DUSP16: variants seen among roughly 807,000 people sequenced by gnomAD.
DUSP16 encodes the protein dual specificity phosphatase 16, also known as dual specificity protein phosphatase 16.
A neutral mutation model predicts 58.3 loss-of-function variants in DUSP16; 21 were observed. The observed-to-expected ratio is 0.36, with a 90% CI of 0.26 to 0.52. The LOEUF is 0.52. Among genes scored for constraint, DUSP16 ranks in the 20% least tolerant of loss-of-function variants. The pLI is 0.94. For synonymous variants in DUSP16, 320 were observed against 323.8 expected, an observed-to-expected ratio of 0.99 and a Z score of 0.12; for missense variants, 726 against 819.0, an observed-to-expected ratio of 0.89 and a Z score of 1.39.
Position 12,508,029 on chromosome 12 carries a change from A to C in DUSP16, c.368-7347T>G, listed in dbSNP as rs77442709. ...TAGAATATATGTGAAAAACTAGAGTACACCTTCACCTGTAGAGGACAGTTC... is the reference window on the plus strand; with the variant it reads ...TAGAATATATGTGAAAAACTAGAGTCCACCTTCACCTGTAGAGGACAGTTC... On this transcript the variant is annotated intron_variant, in intron 3 of 6. Transcript: ENST00000298573. 5.3e-3 allele frequency among the ~76,000 whole-genome samples: 803 copies of C among 152,368 alleles called. 8 individuals are homozygous for C. The highest frequency in any genetic ancestry group is 0.018 in the African/African-American group (731 of 41,588).
chr12:12,554,170 C>G (rs1034943750), intron 1 of DUSP16, among the ~76,000 whole-genome samples: 4 of 128,376 alleles, frequency 3.1e-5, no homozygotes, highest in African/African-American at 1.2e-4. Flanking sequence ...GCACTCCAAC[C>G]TGGGTGACAG....
At chr12:12,544,785 A>G (rs1944616679) in intron 1 of DUSP16, among the ~76,000 whole-genome samples, 1 of 152,204 alleles carries the variant, frequency 6.6e-6, no homozygotes, top group South Asian at 2.1e-4. Context: ...CAATTAGCCT[A>G]TAATTTATTT....
chr12:12,532,332 A>G (rs530808360), intron 1 of DUSP16, among the ~76,000 whole-genome samples: 115 of 152,338 alleles, frequency 7.5e-4, no homozygotes, highest in Non-Finnish European at 1.2e-3. Flanking sequence ...ACATTTAAAA[A>G]CGATGGTGTA....
chr12:12,518,192 C>A (rs910501061), intron 3 of DUSP16, among the ~76,000 whole-genome samples: 3 of 152,174 alleles, frequency 2.0e-5, no homozygotes, highest in Non-Finnish European at 4.4e-5. Context: ...CACTCTGTCA[C>A]GAAGCACATC....
intron 1 of DUSP16, 60 bp from the exon 2 acceptor site, chr12:12,521,523 T>C: frequency 1.3e-6 from 1 of 766,350 alleles, no homozygotes; most frequent in Non-Finnish European, 1.6e-6. Flanking sequence ...AGAAAGAGTG[T>C]CAGATTAGAG....
intron 3 of DUSP16, among the ~76,000 whole-genome samples, chr12:12,515,838 C>A (rs188934337): frequency 6.6e-6 from 1 of 151,912 alleles, no homozygotes; most frequent in African/African-American, 2.4e-5. Flanking sequence ...TGCAGTGATG[C>A]GATCTTGGCT....
chr12:12,479,099 A>G (rs1044174206), intron 6 of DUSP16, among the ~76,000 whole-genome samples: 4 of 151,916 alleles, frequency 2.6e-5, no homozygotes, highest in African/African-American at 9.7e-5. Flanking sequence ...CCACTATGTT[A>G]AAAAAAAGAT....
At chr12:12,544,972 C>T (rs1944620429) in intron 1 of DUSP16, among the ~76,000 whole-genome samples, 1 of 152,128 alleles carries the variant, frequency 6.6e-6, no homozygotes, top group South Asian at 2.1e-4. Flanking sequence ...CTATTCTGTT[C>T]CATTATCCAT....
intron 1 of DUSP16, among the ~76,000 whole-genome samples, chr12:12,542,404 A>G (rs901072759): frequency 6.6e-6 from 1 of 150,816 alleles, no homozygotes; most frequent in African/African-American, 2.5e-5. Flanking sequence ...AAAAAAAAAA[A>G]AAAAAGAAAT....
chr12:12,542,998 G>A (rs1253241980), intron 1 of DUSP16, among the ~76,000 whole-genome samples: 1 of 152,086 alleles, frequency 6.6e-6, no homozygotes, highest in Non-Finnish European at 1.5e-5. Context: ...CAACCCAGAA[G>A]AGGGCCCTCA....
intron 4 of DUSP16, among the ~76,000 whole-genome samples, chr12:12,498,690 CAA>C (rs752268459): frequency 3.9e-5 from 6 of 152,162 alleles, no homozygotes; most frequent in South Asian, 4.1e-4. Context: ...GCTAGGATTC[CAA>C]AGTGTGTGAG....
intron 1 of DUSP16, among the ~76,000 whole-genome samples, chr12:12,549,703 C>T (rs947449954): frequency 7.9e-5 from 12 of 151,684 alleles, no homozygotes; most frequent in African/African-American, 2.4e-4. Context: ...TAACTCAGTA[C>T]CCTGGATTTT....
chr12:12,512,162 C>T (rs1944088286), intron 3 of DUSP16, among the ~76,000 whole-genome samples: 2 of 152,110 alleles, frequency 1.3e-5, no homozygotes, highest in Non-Finnish European at 2.9e-5. Flanking sequence ...AGAAACAGAG[C>T]CAGAAATACA....
intron 6 of DUSP16, among the ~76,000 whole-genome samples, chr12:12,479,849 C>A (rs1331298786): frequency 6.6e-6 from 1 of 152,222 alleles, no homozygotes; most frequent in Admixed American, 6.5e-5. Context: ...TGAAGCAGAA[C>A]AGAGATTCTG....
In DUSP16 at chr12:12,540,549, T is replaced by C. The variant is rs367629102; in HGVS notation, c.-365-19086A>G. Among the ~76,000 whole-genome samples the C allele has an allele frequency of 3.9e-5, 6 of 152,242 alleles. No individual in the cohort carries two copies. The East Asian group carries it at 1.2e-3, about 29-fold the overall frequency. On this transcript the variant is annotated intron_variant, in intron 1 of 6. Coordinates refer to ENST00000298573, the MANE Select transcript of DUSP16 (RefSeq NM_030640.3). Reference sequence around the variant, plus strand: ...GCAAGGCTTTTTGCTCAAGGAATCTTTGGAGGATACAATTTTAAAGCAATT... The same window carrying C: ...GCAAGGCTTTTTGCTCAAGGAATCTCTGGAGGATACAATTTTAAAGCAATT...
intron 1 of DUSP16, among the ~76,000 whole-genome samples, chr12:12,558,635 C>A (rs1944846957): frequency 6.6e-6 from 1 of 152,142 alleles, no homozygotes; most frequent in South Asian, 2.1e-4. Flanking sequence ...CTGCCTTAGC[C>A]TCTTAAAGTG....
At chr12:12,487,948 T>C (rs1314694431) in intron 4 of DUSP16, among the ~76,000 whole-genome samples, 1 of 152,098 alleles carries the variant, frequency 6.6e-6, no homozygotes, top group Non-Finnish European at 1.5e-5. Context: ...CCTCTTCCAT[T>C]GATCCTCTCT....
chr12:12,503,445 G>A (rs906655529), intron 3 of DUSP16, among the ~76,000 whole-genome samples: 4 of 152,052 alleles, frequency 2.6e-5, no homozygotes, highest in African/African-American at 4.8e-5. Flanking sequence ...GGCTGGTCAT[G>A]AACTCCTGAC....
intron 1 of DUSP16, among the ~76,000 whole-genome samples, chr12:12,542,387 A>AG (rs1944574241): frequency 1.4e-5 from 1 of 71,164 alleles, no homozygotes; most frequent in Admixed American, 1.4e-4. Flanking sequence ...AAAAGAAAAG[A>AG]GAAAAAAAAA....
Sources: gnomAD v4.1 joint callset for allele counts (sites outside exome capture counted in the v4.1 genomes callset) on GRCh38, gnomAD v4.1.1 for gene constraint, MANE v1.5 for transcripts, NCBI Gene and HGNC (gene_info 2026-07-23, HGNC 2026-07-21) for gene names.